The following NCOA7 variants were observed in gnomAD, a reference collection of about 807,000 sequenced individuals.
The protein encoded by NCOA7 is nuclear receptor coactivator 7.
Under a neutral mutation model 104.3 loss-of-function variants are expected in NCOA7, and 45 were observed. The ratio of observed to expected loss-of-function variants is 0.43; its 90% CI spans 0.34 to 0.55. NCOA7 has a LOEUF of 0.55. Ranked by LOEUF, NCOA7 falls within the 20% of genes least tolerant of loss-of-function variation. NCOA7 has a pLI of 0.02. For missense variants in NCOA7, 1,041 were observed against 1,119.7 expected, an observed-to-expected ratio of 0.93 and a Z score of 1.00; for synonymous variants, 398 against 402.3, an observed-to-expected ratio of 0.99 and a Z score of 0.13.
intron 2 of NCOA7, among the ~76,000 whole-genome samples, chr6:125,829,742 C>A (rs183679129): frequency 2.7e-5 from 4 of 147,524 alleles, no homozygotes; most frequent in Non-Finnish European, 6.1e-5. Flanking sequence ...GAGGAACTAA[C>A]GTCCCCCTCT....
intron 4 of NCOA7, 38 bp from the exon 5 acceptor site, chr6:125,878,225 G>A: frequency 7.1e-7 from 1 of 1,403,186 alleles, no homozygotes; most frequent in Admixed American, 2.3e-5. Context: ...AATTTTTTTT[G>A]CTTTATTTAT....
At chr6:125,923,498 G>A (rs1372336369) in intron 13 of NCOA7, among the ~76,000 whole-genome samples, 1 of 152,134 alleles carries the variant, frequency 6.6e-6, no homozygotes. Flanking sequence ...ATCTGTCCAG[G>A]TTTTTTTCGG....
intron 15 of NCOA7, 87 bp downstream of exon 15, chr6:125,928,334 C>T (rs935660505): frequency 1.9e-5 from 23 of 1,203,162 alleles, no homozygotes; most frequent in African/African-American, 1.5e-5. Flanking sequence ...GTTAAAACTT[C>T]GGTGTCAGGT....
chr6:125,855,255 CG>C lies in NCOA7; in HGVS notation c.271+16del, dbSNP rs772536541. Reference sequence around the variant, plus strand: ...TTATAGTATTGGTGAGTATTCATGGCGTTACTGCAGTATTTTCATTTAAAAA... The same window carrying C: ...TTATAGTATTGGTGAGTATTCATGGCTTACTGCAGTATTTTCATTTAAAAA... On this transcript the variant is annotated intron_variant, in intron 3 of 15. Transcript: ENST00000392477. 2 of 1,541,516 alleles carry C rather than the reference CG, an allele frequency of 1.3e-6. No homozygotes were observed. The highest frequency in any genetic ancestry group is 1.8e-6 in the Non-Finnish European group (2 of 1,123,248).
chr6:125,856,470 A>G (rs1781562007), intron 3 of NCOA7, among the ~76,000 whole-genome samples: 1 of 151,998 alleles, frequency 6.6e-6, no homozygotes, highest in Admixed American at 6.5e-5. Context: ...CTCCTGCCTC[A>G]GCCTCCCGAG....
intron 1 of NCOA7, chr6:125,810,217 G>T (rs115912129): frequency 6.6e-6 from 1 of 152,216 alleles, no homozygotes; most frequent in East Asian, 1.9e-4. Flanking sequence ...ACCCACAGCT[G>T]TGTGGGTCAG....
At chr6:125,858,986 G>A (rs917931149) in intron 3 of NCOA7, among the ~76,000 whole-genome samples, 1 of 152,176 alleles carries the variant, frequency 6.6e-6, no homozygotes, top group Non-Finnish European at 1.5e-5. Context: ...CTTGAAAATG[G>A]GAGGATCTCA....
chr6:125,898,444 G>T (rs1290778186), intron 10 of NCOA7, among the ~76,000 whole-genome samples: 3 of 152,210 alleles, frequency 2.0e-5, no homozygotes, highest in Non-Finnish European at 4.4e-5. Context: ...TCAGCTATCA[G>T]TTTGCCCAGA....
At chr6:125,850,063 C>T (rs922489395) in intron 2 of NCOA7, among the ~76,000 whole-genome samples, 7 of 151,936 alleles carry the variant, frequency 4.6e-5, no homozygotes, top group South Asian at 4.1e-4. Context: ...TAGATATTGA[C>T]GTAAAAACAA....
At chr6:125,830,204 C>G (rs1355759459) in intron 2 of NCOA7, among the ~76,000 whole-genome samples, 3 of 152,206 alleles carry the variant, frequency 2.0e-5, no homozygotes, top group Non-Finnish European at 4.4e-5. Flanking sequence ...CAGAATAAAT[C>G]AAATCCATCT....
In NCOA7 at chr6:125,862,812, G is replaced by A. The variant is rs747752157; in HGVS notation, c.271+7572G>A. Among the ~76,000 whole-genome samples the A allele has an allele frequency of 2.8e-4, 38 of 138,002 alleles. 5 individuals are homozygous for A. The highest frequency in any genetic ancestry group is 5.4e-4 in the Non-Finnish European group (35 of 64,886). The allele number at this position is 138,002 out of a possible 152,430, so 90.5% of individuals were successfully genotyped here. On this transcript the variant is annotated intron_variant, in intron 3 of 15. Coordinates refer to ENST00000392477, the MANE Select transcript of NCOA7 (RefSeq NM_181782.5). ...TGATCAAGACCAGCCTGGCCAACAT[G>A]GTGAAACCCTGTCTCTACTAAACAT...
intron 2 of NCOA7, among the ~76,000 whole-genome samples, chr6:125,841,887 C>T (rs980576828): frequency 2.4e-4 from 36 of 152,066 alleles, no homozygotes; most frequent in African/African-American, 8.7e-4. Context: ...AAATTTCATA[C>T]CTGATATTAG....
intron 2 of NCOA7, among the ~76,000 whole-genome samples, chr6:125,849,226 C>A (rs539200473): frequency 2.0e-5 from 3 of 152,304 alleles, no homozygotes; most frequent in African/African-American, 7.2e-5. Context: ...TTGCTCACTT[C>A]TGCAGTCAGT....
Position 125,855,161 on chromosome 6 carries a change from G to A in NCOA7, c.192G>A (p.Met64Ile), listed in dbSNP as rs1310293003. ...KCNIAVEEEYMTDEKKKRKSN... is the reference protein window; with the variant it reads ...KCNIAVEEEYITDEKKKRKSN... ...ACATTGCTGTGGAAGAGGAATATATGACTGATGAGAAAAAAAAGAGAAAAA... is the reference window on the plus strand; with the variant it reads ...ACATTGCTGTGGAAGAGGAATATATAACTGATGAGAAAAAAAAGAGAAAAA... The change falls in exon 3 of 16, where the codon ATG becomes ATA. Residue 64 changes from methionine (M) to isoleucine (I), a missense_variant. Physicochemically the swap from Met to Ile is conservative, Grantham distance 10. Transcript: ENST00000392477. 6.2e-7 allele frequency: 1 copy of A among 1,613,164 alleles called. No homozygotes were observed. The highest frequency in any genetic ancestry group is 8.5e-7 in the Non-Finnish European group (1 of 1,179,914).
At chr6:125,867,703 C>T (rs1219736711) in intron 3 of NCOA7, among the ~76,000 whole-genome samples, 1 of 152,148 alleles carries the variant, frequency 6.6e-6, no homozygotes, top group Non-Finnish European at 1.5e-5. Flanking sequence ...TTAGGTTCGC[C>T]TCTATGTTGT....
intron 1 of NCOA7, among the ~76,000 whole-genome samples, chr6:125,807,637 G>A (rs762875975): frequency 3.3e-5 from 5 of 152,138 alleles, no homozygotes; most frequent in Non-Finnish European, 7.3e-5. Flanking sequence ...ACAGACAGCC[G>A]AGGGCTTTTG....
intron 1 of NCOA7, among the ~76,000 whole-genome samples, chr6:125,800,974 G>A (rs1338834346): frequency 6.6e-6 from 1 of 152,222 alleles, no homozygotes; most frequent in Non-Finnish European, 1.5e-5. Context: ...GGCAGAGGCT[G>A]CAGTGAGCTG....
chr6:125,869,407 T>C lies in NCOA7; in HGVS notation c.272-5482T>C, dbSNP rs138787572. ...ATCTCTTATTTGAATCTCAATTTCT[T>C]TTTTTGTCTTTTCCCACAGATCTGT... On this transcript the variant is annotated intron_variant, in intron 3 of 15. Coordinates refer to ENST00000392477, the MANE Select transcript of NCOA7 (RefSeq NM_181782.5). Among the ~76,000 whole-genome samples, 683 of 152,298 alleles carry C rather than the reference T, an allele frequency of 4.5e-3. 5 individuals are homozygous for C. The highest frequency in any genetic ancestry group is 0.016 in the African/African-American group (654 of 41,562).
chr6:125,928,318 T>C lies in NCOA7; in HGVS notation c.2693+71T>C, dbSNP rs910891659. The C allele has an allele frequency of 1.8e-5, 25 of 1,379,208 alleles. No individual in the cohort carries two copies. The Middle Eastern group carries it at 8.9e-4, about 49-fold the overall frequency. 85.4% of individuals were successfully genotyped at this position (1,379,208 alleles called of 1,614,324 possible). On this transcript the variant is annotated intron_variant, in intron 15 of 15. Coordinates refer to ENST00000392477, the MANE Select transcript of NCOA7 (RefSeq NM_181782.5). Reference sequence around the variant, plus strand: ...TGACCTGAGTGGGTCTGTTTTGACCTACGTAGTTAAAACTTCGGTGTCAGG... The same window carrying C: ...TGACCTGAGTGGGTCTGTTTTGACCCACGTAGTTAAAACTTCGGTGTCAGG...
Sources: allele counts gnomAD v4.1 joint callset (sites outside exome capture counted in the v4.1 genomes callset), GRCh38; gene constraint gnomAD v4.1.1; transcripts MANE v1.5; gene names NCBI Gene and HGNC (gene_info 2026-07-23, HGNC 2026-07-21).